The following HDAC4 variants were observed in gnomAD, a reference collection of about 807,000 sequenced individuals.
HDAC4 encodes the protein histone deacetylase 4, also known as histone deacetylase A.
A neutral mutation model predicts 135.1 loss-of-function variants in HDAC4; 16 were observed. The observed-to-expected ratio is 0.12, with a 90% CI of 0.08 to 0.18. The LOEUF is 0.18. Ranked by LOEUF, HDAC4 falls within the 10% of genes least tolerant of loss-of-function variation. HDAC4 has a pLI of 1.00. For missense variants in HDAC4, 1,143 were observed against 1,511.8 expected (o/e 0.76, Z 4.05); for synonymous variants, 685 against 653.4 (o/e 1.05, Z -0.74).
intron 1 of HDAC4, among the ~76,000 whole-genome samples, chr2:239,379,138 A>G (rs573670664): frequency 2.0e-5 from 3 of 152,324 alleles, no homozygotes; most frequent in Admixed American, 6.5e-5. Context: ...AAGTCACTCC[A>G]GGAAGGCAGG....
intron 26 of HDAC4, 129 bp downstream of exon 26, chr2:239,053,331 G>A: frequency 7.3e-7 from 1 of 1,362,332 alleles, no homozygotes; most frequent in Admixed American, 2.0e-5. Context: ...GGAAGGAGGG[G>A]GCCACACTGG....
intron 17 of HDAC4, chr2:239,094,643 A>G: frequency 2.6e-6 from 3 of 1,159,194 alleles, no homozygotes; most frequent in Non-Finnish European, 2.2e-6. Flanking sequence ...AACTAGGTAC[A>G]GAATACAGAA....
chr2:239,312,557 T>A (rs1394046604), intron 2 of HDAC4, among the ~76,000 whole-genome samples: 1 of 152,210 alleles, frequency 6.6e-6, no homozygotes, highest in Non-Finnish European at 1.5e-5. Context: ...AAGCAAACGC[T>A]AAGAATGGGC....
rs2030580066 is a variant in HDAC4, at chr2:239,049,943, C to T, written c.*3154G>A. Reference sequence around the variant, plus strand: ...ATATAAAGTGCTCGCTTGCTGACTCCCAGCCAGTGCCCCCAAGGCCTTTGC... The same window carrying T: ...ATATAAAGTGCTCGCTTGCTGACTCTCAGCCAGTGCCCCCAAGGCCTTTGC... On this transcript the variant is annotated 3_prime_UTR_variant, in exon 27 of 27. Coordinates refer to ENST00000543185, the MANE Select transcript of HDAC4 (RefSeq NM_001378414.1). 1 of 152,690 alleles carries T rather than the reference C, an allele frequency of 6.5e-6. No individual in the cohort carries two copies. Among genetic ancestry groups the T allele is most frequent in the Non-Finnish European group, 1.5e-5 (1 of 68,118 alleles). The allele number at this position is 152,690 out of a possible 1,614,324, so 9.5% of individuals were successfully genotyped here.
At position 239,299,108 on chromosome 2, in the gene HDAC4, G is replaced by A. The variant is rs778147460; in HGVS notation, c.22+53570C>T. On this transcript the variant is annotated intron_variant, in intron 2 of 26. Transcript: ENST00000543185. The surrounding 1 kb of genome is among the most constrained non-coding windows in gnomAD (Gnocchi z 4.0). ...TCTCGATCTCCTGACCTCGTGATCCGCCTGCCTTGGCCTCCCAAAGTGCTG... is the reference window on the plus strand; with the variant it reads ...TCTCGATCTCCTGACCTCGTGATCCACCTGCCTTGGCCTCCCAAAGTGCTG... Among the ~76,000 whole-genome samples the A allele has an allele frequency of 3.3e-5, 5 of 152,094 alleles. No homozygotes were observed. The South Asian group carries it at 6.2e-4, about 19-fold the overall frequency.
At chr2:239,190,527 C>T (rs1206965341) in intron 3 of HDAC4, among the ~76,000 whole-genome samples, 1 of 152,360 alleles carries the variant, frequency 6.6e-6, no homozygotes. Flanking sequence ...GCTCCTCTTC[C>T]TCCTCTTCCA....
chr2:239,072,592 C>G (rs549110620), intron 22 of HDAC4, among the ~76,000 whole-genome samples: 2 of 152,354 alleles, frequency 1.3e-5, no homozygotes, highest in South Asian at 4.1e-4. Context: ...AGGCCCCTCC[C>G]TGGGGGCAGC....
At chr2:239,148,880 C>G (rs564769315) in intron 7 of HDAC4, among the ~76,000 whole-genome samples, 1 of 152,222 alleles carries the variant, frequency 6.6e-6, no homozygotes, top group South Asian at 2.1e-4. Context: ...AAATGTGGGC[C>G]TGAATTGATA....
chr2:239,066,746 A>G lies in HDAC4; in HGVS notation c.2979T>C (p.Cys993=), dbSNP rs1344872994. ...CCTCGTTTCCCAGCAAGGCAGAAACACATGCTTCCGAGGCGTCGCAAATGG... is the reference window on the plus strand; with the variant it reads ...CCTCGTTTCCCAGCAAGGCAGAAACGCATGCTTCCGAGGCGTCGCAAATGG... ...LTAICDASEA[C]VSALLGNELD... The change falls in exon 24 of 27, where the codon TGT becomes TGC. Residue 993 remains cysteine, a synonymous_variant. Coordinates refer to ENST00000543185, the MANE Select transcript of HDAC4 (RefSeq NM_001378414.1). The G allele has an allele frequency of 6.2e-7, 1 of 1,613,910 alleles. No homozygotes were observed. Among genetic ancestry groups the G allele is most frequent in the African/African-American group, 1.3e-5 (1 of 74,934 alleles).
intron 2 of HDAC4, among the ~76,000 whole-genome samples, chr2:239,249,984 T>C (rs1161097218): frequency 1.3e-5 from 2 of 152,170 alleles, no homozygotes; most frequent in East Asian, 3.9e-4. Context: ...GGGGAAGCTC[T>C]GCTTCCGGGC....
rs115500043 is a variant in HDAC4, at chr2:239,115,950, T to C, written c.1534-640A>G. Among the ~76,000 whole-genome samples the C allele has an allele frequency of 8.1e-3, 1,229 of 152,240 alleles. 14 individuals carry two copies. The highest frequency in any genetic ancestry group is 0.028 in the African/African-American group (1,174 of 41,536). On this transcript the variant is annotated intron_variant, in intron 12 of 26. Coordinates refer to ENST00000543185, the MANE Select transcript of HDAC4 (RefSeq NM_001378414.1). The surrounding 1 kb of genome is among the most constrained non-coding windows in gnomAD (Gnocchi z 6.3). ...TGACCTCCTTTCTTGCAGGATTCCATGGGTGCTCCATGACCTGCCCCGCTA... is the reference window on the plus strand; with the variant it reads ...TGACCTCCTTTCTTGCAGGATTCCACGGGTGCTCCATGACCTGCCCCGCTA...
intron 2 of HDAC4, among the ~76,000 whole-genome samples, chr2:239,319,440 C>A (rs2053233616): frequency 1.3e-5 from 2 of 152,250 alleles, no homozygotes; most frequent in Admixed American, 1.3e-4. Context: ...CAGGCACAGG[C>A]CAGGCGAGGG....
intron 3 of HDAC4, among the ~76,000 whole-genome samples, chr2:239,192,486 G>A (rs2045053757): frequency 6.6e-6 from 1 of 152,224 alleles, no homozygotes; most frequent in African/African-American, 2.4e-5. Flanking sequence ...ATGAAAGGCA[G>A]GGAGGAGAGC....
chr2:239,295,389 C>T (rs2051823216), intron 2 of HDAC4, among the ~76,000 whole-genome samples: 1 of 149,846 alleles, frequency 6.7e-6, no homozygotes, highest in African/African-American at 2.5e-5. Flanking sequence ...TTTTATTCAT[C>T]CAAAAGCTGG....
rs115127793 is a variant in HDAC4 at position 239,085,468 on chromosome 2, G to A, written c.2445-1226C>T. On this transcript the variant is annotated intron_variant, in intron 19 of 26. Coordinates refer to ENST00000543185, the MANE Select transcript of HDAC4 (RefSeq NM_001378414.1). ...ATCCTAGACGCTGAGCTCCTGCAGCGGCTCACGGGGAGCACAGCGAAGAGC... is the reference window on the plus strand; with the variant it reads ...ATCCTAGACGCTGAGCTCCTGCAGCAGCTCACGGGGAGCACAGCGAAGAGC... 9.0e-3 allele frequency among the ~76,000 whole-genome samples: 1,365 copies of A among 152,286 alleles called. 27 individuals carry two copies. Among genetic ancestry groups the A allele is most frequent in the African/African-American group, 0.031 (1,299 of 41,556 alleles).
chr2:239,122,979 G>A (rs1010196755), intron 12 of HDAC4, among the ~76,000 whole-genome samples: 2 of 152,180 alleles, frequency 1.3e-5, no homozygotes, highest in African/African-American at 4.8e-5. Flanking sequence ...GTCAGTGTTA[G>A]GCGGCCCTGG....
At chr2:239,287,808 C>A (rs984913754) in intron 2 of HDAC4, among the ~76,000 whole-genome samples, 2 of 152,038 alleles carry the variant, frequency 1.3e-5, no homozygotes, top group Non-Finnish European at 2.9e-5. Flanking sequence ...ACAAATCCAG[C>A]AAAGATGTAA....
At position 239,078,036 on chromosome 2, in the gene HDAC4, C is replaced by T. The variant is rs577625656; in HGVS notation, c.2750+3059G>A. Among the ~76,000 whole-genome samples the T allele has an allele frequency of 3.2e-4, 48 of 152,300 alleles. 1 individual carries two copies. The highest frequency in any genetic ancestry group is 1.2e-3 in the South Asian group (6 of 4,824). ...ACAGTGGAATCTAAGCTACGAACCA[C>T]GGGCATCTGGATGTGGCGCTCATCC... On this transcript the variant is annotated intron_variant, in intron 22 of 26. Transcript: ENST00000543185.
intron 16 of HDAC4, 182 bp downstream of exon 16, chr2:239,102,594 G>T: frequency 1.5e-6 from 1 of 645,568 alleles, no homozygotes; most frequent in Non-Finnish European, 2.7e-6. Flanking sequence ...CTGCTACCTG[G>T]CACGTTCATC....
Sources: gnomAD v4.1 joint callset for allele counts (sites outside exome capture counted in the v4.1 genomes callset) on GRCh38, gnomAD v4.1.1 for gene constraint, Gnocchi (gnomAD v3.1) non-coding constraint, MANE v1.5 for transcripts, NCBI Gene and HGNC (gene_info 2026-07-23, HGNC 2026-07-21) for gene names.